KLF17: variants seen among roughly 807,000 people sequenced by gnomAD.
KLF17 encodes the protein Krueppel-like factor 17.
Under a neutral mutation model 34.2 loss-of-function variants are expected in KLF17, and 31 were observed. The observed-to-expected ratio is 0.91, with a 90% CI of 0.68 to 1.22. The LOEUF (loss-of-function observed/expected upper bound fraction) is 1.22. Ranked by LOEUF, KLF17 falls within the 50% of genes most tolerant of loss-of-function variation. KLF17 has a pLI of 0.00. For missense variants in KLF17, 478 were observed against 505.2 expected, an observed-to-expected ratio of 0.95 and a Z score of 0.52; for synonymous variants, 179 against 186.7, an observed-to-expected ratio of 0.96 and a Z score of 0.34.
chr1:44,059,432 C>T, the KLF17 span, among the ~76,000 whole-genome samples: 1 of 152,100 alleles, frequency 6.6e-6, no homozygotes, highest in East Asian at 1.9e-4. Context: ...ATAACCCTAT[C>T]GTAAATATTT....
At chr1:44,061,365 G>A in the KLF17 span, 10 of 152,206 alleles carry the variant, frequency 6.6e-5, no homozygotes, top group African/African-American at 1.4e-4. Context: ...TTTCTGAGGG[G>A]GGAATGAGGT....
the KLF17 span, among the ~76,000 whole-genome samples, chr1:44,066,516 A>G: frequency 4.6e-5 from 7 of 151,918 alleles, no homozygotes; most frequent in Admixed American, 2.6e-4. Flanking sequence ...AAGAGCCACC[A>G]TGCCTGGCCA....
intron 1 of KLF17, among the ~76,000 whole-genome samples, chr1:44,123,232 G>A (rs1285776722): frequency 1.3e-5 from 2 of 151,678 alleles, no homozygotes; most frequent in Non-Finnish European, 2.9e-5. Flanking sequence ...CAATTTTTAG[G>A]GTTTTTTTGT....
At chr1:44,071,980 CTGT>C in the KLF17 span, among the ~76,000 whole-genome samples, 1 of 151,706 alleles carries the variant, frequency 6.6e-6, no homozygotes, top group Non-Finnish European at 1.5e-5. Flanking sequence ...CTTCCTCCTA[CTGT>C]TTTTTTTTGG....
At chr1:44,084,713 A>T in the KLF17 span, among the ~76,000 whole-genome samples, 1 of 150,666 alleles carries the variant, frequency 6.6e-6, no homozygotes, top group African/African-American at 2.4e-5. Context: ...ATTGGTGGTG[A>T]CTGCATAAGC....
At chr1:44,089,865 G>C in the KLF17 span, among the ~76,000 whole-genome samples, 35 of 152,160 alleles carry the variant, frequency 2.3e-4, no homozygotes, top group Non-Finnish European at 4.1e-4. Context: ...GTTGAGTAGT[G>C]TGATAGACAG....
chr1:44,114,370 A>T (rs1455023087), upstream of KLF17: 1 of 152,202 alleles, frequency 6.6e-6, no homozygotes. Context: ...TCCCGACTGC[A>T]GTAGTCACTT....
At chr1:44,055,445 T>C in the KLF17 span, among the ~76,000 whole-genome samples, 1 of 152,144 alleles carries the variant, frequency 6.6e-6, no homozygotes. Flanking sequence ...TTCCCACGGG[T>C]TTTTACTTAT....
At chr1:44,097,493 C>T in the KLF17 span, among the ~76,000 whole-genome samples, 28 of 151,896 alleles carry the variant, frequency 1.8e-4, no homozygotes, top group South Asian at 4.2e-4. Context: ...CTAATGTAGA[C>T]GACAGGTTGG....
chr1:44,090,654 G>A, the KLF17 span, among the ~76,000 whole-genome samples: 1 of 152,074 alleles, frequency 6.6e-6, no homozygotes, highest in African/African-American at 2.4e-5. Flanking sequence ...GTAGATCAGA[G>A]CACTGACCAC....
chr1:44,083,855 C>T, the KLF17 span, among the ~76,000 whole-genome samples: 1 of 150,982 alleles, frequency 6.6e-6, no homozygotes, highest in Admixed American at 6.6e-5. Flanking sequence ...GACATCTTCT[C>T]AAGCTGAGAA....
the KLF17 span, among the ~76,000 whole-genome samples, chr1:44,079,826 G>T: frequency 6.6e-6 from 1 of 152,000 alleles, no homozygotes; most frequent in Non-Finnish European, 1.5e-5. Flanking sequence ...CTTTGGTGAC[G>T]GCTCTGTCAT....
At chr1:44,067,491 T>C in the KLF17 span, among the ~76,000 whole-genome samples, 1 of 152,266 alleles carries the variant, frequency 6.6e-6, no homozygotes, top group African/African-American at 2.4e-5. Flanking sequence ...AGAGGAGTCC[T>C]CTCAGAAGAA....
the KLF17 span, among the ~76,000 whole-genome samples, chr1:44,089,641 T>C: frequency 1.3e-5 from 2 of 152,180 alleles, no homozygotes; most frequent in South Asian, 4.1e-4. Context: ...GAGAGTTGTA[T>C]TTTATTTTGC....
intron 1 of KLF17, among the ~76,000 whole-genome samples, chr1:44,120,468 A>G (rs966237627): frequency 6.6e-6 from 1 of 152,224 alleles, no homozygotes; most frequent in African/African-American, 2.4e-5. Flanking sequence ...AGAGAGGCCA[A>G]GCATTCTAAG....
the KLF17 span, among the ~76,000 whole-genome samples, chr1:44,111,100 C>T: frequency 6.6e-6 from 1 of 152,070 alleles, no homozygotes; most frequent in Non-Finnish European, 1.5e-5. Flanking sequence ...AATCTTCCTA[C>T]TTAAGCCTCC....
chr1:44,092,930 A>G, the KLF17 span, among the ~76,000 whole-genome samples: 1 of 152,330 alleles, frequency 6.6e-6, no homozygotes, highest in Admixed American at 6.5e-5. Flanking sequence ...TTAAAAGCAA[A>G]TGGGCATCCC....
intron 1 of KLF17, among the ~76,000 whole-genome samples, chr1:44,124,646 C>G (rs533498437): frequency 2.0e-3 from 299 of 152,190 alleles, no homozygotes; most frequent in African/African-American, 6.8e-3. Flanking sequence ...AGGCGCCCGC[C>G]ACCTCGCCCG....
chr1:44,077,433 C>T, the KLF17 span, among the ~76,000 whole-genome samples: 10 of 152,128 alleles, frequency 6.6e-5, no homozygotes, highest in South Asian at 4.1e-4. Context: ...CTCCAAAACT[C>T]GGTGGCATAA....
Sources: allele counts gnomAD v4.1 joint callset (sites outside exome capture counted in the v4.1 genomes callset), GRCh38; gene constraint gnomAD v4.1.1; transcripts MANE v1.5; gene names NCBI Gene and HGNC (gene_info 2026-07-23, HGNC 2026-07-21).